Variants in CRYL1 observed in about 807,000 individuals in gnomAD.
CRYL1 encodes lambda-crystallin homolog.
In CRYL1, 29 loss-of-function variants were observed where a neutral mutation model predicts 36.6. The ratio of observed to expected loss-of-function variants is 0.79; its 90% CI spans 0.59 to 1.08. The LOEUF (loss-of-function observed/expected upper bound fraction) is 1.08, where lower values mean the gene tolerates loss of function less well. Among genes scored for constraint, CRYL1 ranks in the 50% least tolerant of loss-of-function variants. The pLI, the probability that CRYL1 is intolerant of heterozygous loss-of-function variation, is 0.00. For synonymous variants in CRYL1, 152 were observed against 151.5 expected, an observed-to-expected ratio of 1.00 and a Z score of -0.02; for missense variants, 411 against 407.9, an observed-to-expected ratio of 1.01 and a Z score of -0.06.
intron 4 of CRYL1, among the ~76,000 whole-genome samples, chr13:20,432,598 G>A (rs1364715027): frequency 2.0e-5 from 3 of 152,130 alleles, no homozygotes; most frequent in Non-Finnish European, 4.4e-5. Flanking sequence ...GGCCTCCCCA[G>A]GACAGAGTTT....
chr13:20,461,296 G>A (rs1302049798), intron 3 of CRYL1, among the ~76,000 whole-genome samples: 1 of 152,196 alleles, frequency 6.6e-6, no homozygotes, highest in East Asian at 1.9e-4. Flanking sequence ...GCCCCACAGA[G>A]GTTCAATGTT....
Position 20,404,192 on chromosome 13 carries a change from C to T in CRYL1, c.897G>A (p.Arg299=). 6.2e-7 allele frequency: 1 copy of T among 1,614,108 alleles called. No individual in the cohort carries two copies. Among genetic ancestry groups the T allele is most frequent in the Non-Finnish European group, 8.5e-7 (1 of 1,179,988 alleles). Residue 299 remains arginine, a synonymous_variant, in exon 8 of 8, where the codon AGG becomes AGA. Transcript: ENST00000298248. Reference sequence around the variant, plus strand: ...TCATGAGGCACTCGTCCCTCCACTGCCTCCTGGCAGCTAAGTGCTCCGGGT... The same window carrying T: ...TCATGAGGCACTCGTCCCTCCACTGTCTCCTGGCAGCTAAGTGCTCCGGGT... ...PDDPEHLAAR[R]QWRDECLMRL...
intron 6 of CRYL1, among the ~76,000 whole-genome samples, chr13:20,411,895 G>T (rs1329333781): frequency 6.6e-6 from 1 of 152,176 alleles, no homozygotes; most frequent in African/African-American, 2.4e-5. Context: ...CTGTGCACCT[G>T]CTGTATGCAG....
At position 20,481,448 on chromosome 13, in the gene CRYL1, T is replaced by A. The variant is rs2033273540; in HGVS notation, c.276+7922A>T. 6.6e-6 allele frequency among the ~76,000 whole-genome samples: 1 copy of A among 152,070 alleles called. No homozygotes were observed. The highest frequency in any genetic ancestry group is 2.4e-5 in the African/African-American group (1 of 41,396). Reference sequence around the variant, plus strand: ...GGCCTGGGGAACGGTGGGAGGAAATTAGCTGCAAAGGGAAGGAGAGGCTCT... The same window carrying A: ...GGCCTGGGGAACGGTGGGAGGAAATAAGCTGCAAAGGGAAGGAGAGGCTCT... On this transcript the variant is annotated intron_variant, in intron 3 of 7. Coordinates refer to ENST00000298248, the MANE Select transcript of CRYL1 (RefSeq NM_015974.3). This position sits in a 1 kb window ranked among gnomAD's most constrained non-coding sequence, Gnocchi z 4.1.
At chr13:20,482,482 A>C (rs188545085) in intron 3 of CRYL1, among the ~76,000 whole-genome samples, 210 of 152,308 alleles carry the variant, frequency 1.4e-3, no homozygotes, top group Non-Finnish European at 2.4e-3. Context: ...ATTTTTCCAG[A>C]ACAGTAGGTT....
chr13:20,461,601 C>T (rs2032819442), intron 3 of CRYL1, among the ~76,000 whole-genome samples: 2 of 152,114 alleles, frequency 1.3e-5, no homozygotes, highest in Admixed American at 6.5e-5. Flanking sequence ...ACGGTCTCAC[C>T]TCCAGCAGCT....
At chr13:20,408,270 A>G (rs2031429390) in intron 6 of CRYL1, among the ~76,000 whole-genome samples, 1 of 152,138 alleles carries the variant, frequency 6.6e-6, no homozygotes, top group Admixed American at 6.5e-5. Flanking sequence ...CTGGCTGGCA[A>G]ATAATTGCTT....
At chr13:20,420,845 C>G (rs1208959837) in intron 5 of CRYL1, among the ~76,000 whole-genome samples, 1 of 151,512 alleles carries the variant, frequency 6.6e-6, no homozygotes, top group Non-Finnish European at 1.5e-5. Flanking sequence ...AAGCGATTCT[C>G]CTGCCTCAGC....
At chr13:20,504,365 G>A (rs183690053) in intron 2 of CRYL1, among the ~76,000 whole-genome samples, 1 of 143,064 alleles carries the variant, frequency 7.0e-6, no homozygotes, top group East Asian at 2.1e-4. Context: ...GTGCAGTGGT[G>A]CAATCTTGGC....
chr13:20,476,203 G>A (rs1441144430), intron 3 of CRYL1, among the ~76,000 whole-genome samples: 1 of 152,090 alleles, frequency 6.6e-6, no homozygotes, highest in Non-Finnish European at 1.5e-5. Flanking sequence ...AGGCAGGAAG[G>A]TAATTAGCTG....
At chr13:20,424,141 T>C (rs1054728941) in intron 5 of CRYL1, among the ~76,000 whole-genome samples, 1 of 152,114 alleles carries the variant, frequency 6.6e-6, no homozygotes, top group Non-Finnish European at 1.5e-5. Flanking sequence ...ATGAAAAATA[T>C]CACCTCTCTC....
intron 2 of CRYL1, among the ~76,000 whole-genome samples, chr13:20,502,959 G>A (rs902086424): frequency 2.0e-5 from 3 of 152,136 alleles, no homozygotes; most frequent in African/African-American, 7.2e-5. Context: ...ATGTGCATTG[G>A]TCTAGATGCA....
chr13:20,427,546 T>A (rs2031958579), intron 5 of CRYL1, among the ~76,000 whole-genome samples: 1 of 151,986 alleles, frequency 6.6e-6, no homozygotes, highest in South Asian at 2.1e-4. Flanking sequence ...GACCTAGAAA[T>A]GGCACTGGCA....
chr13:20,509,020 C>T (rs952954446), intron 2 of CRYL1, among the ~76,000 whole-genome samples: 11 of 151,040 alleles, frequency 7.3e-5, no homozygotes, highest in Non-Finnish European at 1.5e-5. Context: ...ATGGTGAAAC[C>T]CCACCTCTAC....
chr13:20,446,010 G>A (rs1332762430), intron 3 of CRYL1, among the ~76,000 whole-genome samples: 1 of 152,142 alleles, frequency 6.6e-6, no homozygotes, highest in African/African-American at 2.4e-5. Flanking sequence ...TATACACTAA[G>A]CTGCTTTAAA....
At chr13:20,480,678 G>C (rs939423337) in intron 3 of CRYL1, among the ~76,000 whole-genome samples, 2 of 152,206 alleles carry the variant, frequency 1.3e-5, no homozygotes, top group African/African-American at 4.8e-5. Context: ...GTCCATCACT[G>C]CAGGGCCTGC....
chr13:20,489,565 A>C, intron 2 of CRYL1, 69 bp from the exon 3 acceptor site: 2 of 1,561,382 alleles, frequency 1.3e-6, no homozygotes, highest in Non-Finnish European at 1.7e-6. Flanking sequence ...AAAGCCCAAC[A>C]TCAGGAATCA....
At chr13:20,511,040 C>T (rs184452211) in intron 2 of CRYL1, among the ~76,000 whole-genome samples, 12 of 152,036 alleles carry the variant, frequency 7.9e-5, no homozygotes, top group Admixed American at 2.6e-4. Flanking sequence ...AGTGGTTTTT[C>T]GGTGTTGTTT....
chr13:20,503,652 T>C (rs2033743538), intron 2 of CRYL1, among the ~76,000 whole-genome samples: 1 of 152,048 alleles, frequency 6.6e-6, no homozygotes. Context: ...AGGAGCAAAG[T>C]CACAATGCAC....
Sources: gnomAD v4.1 joint callset for allele counts (sites outside exome capture counted in the v4.1 genomes callset) on GRCh38, gnomAD v4.1.1 for gene constraint, Gnocchi (gnomAD v3.1) non-coding constraint, MANE v1.5 for transcripts, NCBI Gene and HGNC (gene_info 2026-07-23, HGNC 2026-07-21) for gene names.